The following NEDD1 variants were observed in gnomAD, a reference collection of about 807,000 sequenced individuals.
NEDD1 encodes the protein NEDD1 gamma-tubulin ring complex targeting factor, also known as protein NEDD1.
NEDD1 carries 33 observed loss-of-function variants against 74.0 expected under a neutral mutation model. The ratio of observed to expected loss-of-function variants is 0.45; its 90% CI spans 0.34 to 0.60. The LOEUF is 0.60. Among genes scored for constraint, NEDD1 ranks in the 20% least tolerant of loss-of-function variants. The pLI, the probability that NEDD1 is intolerant of heterozygous loss-of-function variation, is 0.01. For missense variants in NEDD1, 746 were observed against 776.5 expected, an observed-to-expected ratio of 0.96 and a Z score of 0.47; for synonymous variants, 250 against 264.4, an observed-to-expected ratio of 0.95 and a Z score of 0.53.
intron 3 of NEDD1, among the ~76,000 whole-genome samples, chr12:96,911,631 A>G (rs905967335): frequency 6.6e-6 from 1 of 152,198 alleles, no homozygotes; most frequent in African/African-American, 2.4e-5. Flanking sequence ...CTAAAACTAC[A>G]AGAGAAATAA....
At chr12:96,942,719 AAAAT>A (rs1186498473) in intron 11 of NEDD1, 95 bp downstream of exon 11, 4 of 702,182 alleles carry the variant, frequency 5.7e-6, no homozygotes, top group Admixed American at 2.4e-5. Context: ...GAGGCTTAAA[AAAAT>A]AAACATTTAT....
intron 14 of NEDD1, 43 bp downstream of exon 14, chr12:96,945,892 T>G (rs543647309): frequency 5.1e-6 from 5 of 987,814 alleles, no homozygotes; most frequent in African/African-American, 1.7e-5. Flanking sequence ...ACCTTACTTG[T>G]TTTTTTTTTA....
intron 6 of NEDD1, among the ~76,000 whole-genome samples, chr12:96,934,040 TGGATA>T (rs1447640782): frequency 6.6e-6 from 1 of 152,152 alleles, no homozygotes; most frequent in Non-Finnish European, 1.5e-5. Flanking sequence ...TTTGAAACAA[TGGATA>T]TAGTCCATCC....
At chr12:96,949,454 G>T (rs956564024) in intron 14 of NEDD1, among the ~76,000 whole-genome samples, 4 of 152,030 alleles carry the variant, frequency 2.6e-5, no homozygotes, top group Non-Finnish European at 5.9e-5. Context: ...TTAAATAAAT[G>T]GAGAGATTAT....
In NEDD1 at chr12:96,932,466, AT is replaced by A. The variant is rs1268202200; in HGVS notation, c.490-2509del. 1.3e-3 allele frequency among the ~76,000 whole-genome samples: 82 copies of A among 62,416 alleles called. 2 individuals are homozygous for A. The highest frequency in any genetic ancestry group is 2.4e-3 in the Non-Finnish European group (72 of 29,546). The allele number at this position is 62,416 out of a possible 152,430, so 40.9% of individuals were successfully genotyped here. ...TTAAAAAAAAAAAAAAAAAAAAAAT[AT>A]ATATATATATATATATATATAAAAT... On this transcript the variant is annotated intron_variant, in intron 6 of 15. Coordinates refer to ENST00000266742, the MANE Select transcript of NEDD1 (RefSeq NM_152905.4).
intron 3 of NEDD1, among the ~76,000 whole-genome samples, chr12:96,911,740 GAA>G (rs760437750): frequency 4.5e-4 from 68 of 152,090 alleles, no homozygotes; most frequent in Non-Finnish European, 7.9e-4. Context: ...CAAGGAAAGG[GAA>G]ATGGTTTTTC....
intron 7 of NEDD1, among the ~76,000 whole-genome samples, chr12:96,936,284 T>A (rs1212323310): frequency 6.6e-6 from 1 of 152,190 alleles, no homozygotes; most frequent in Non-Finnish European, 1.5e-5. Flanking sequence ...AGCCCCTGTT[T>A]GTGGCGTAAT....
chr12:96,915,371 G>T (rs115130239), intron 4 of NEDD1, among the ~76,000 whole-genome samples: 23 of 152,320 alleles, frequency 1.5e-4, no homozygotes, highest in African/African-American at 4.1e-4. Context: ...TGCAATGGGG[G>T]AAGGGCTAGA....
intron 14 of NEDD1, among the ~76,000 whole-genome samples, chr12:96,947,234 A>T (rs889466083): frequency 6.6e-6 from 1 of 152,102 alleles, no homozygotes. Context: ...AGGAGTGCAT[A>T]AATATTTATG....
At chr12:96,940,591 T>C in intron 10 of NEDD1, 54 bp downstream of exon 10, 2 of 1,341,072 alleles carry the variant, frequency 1.5e-6, no homozygotes, top group Admixed American at 2.0e-5. Flanking sequence ...ATTTTTATTC[T>C]GGCTAAAAGA....
chr12:96,912,315 T>G (rs1229095071), intron 3 of NEDD1, among the ~76,000 whole-genome samples: 2 of 152,080 alleles, frequency 1.3e-5, no homozygotes, highest in Non-Finnish European at 2.9e-5. Flanking sequence ...GCTTCCTAGT[T>G]TAGATTGTTA....
In NEDD1 at chr12:96,912,763, AGTT is replaced by A. The variant is rs1424594756; in HGVS notation, c.180_182del (p.Val61del). 1 of 1,608,580 alleles carries A rather than the reference AGTT, an allele frequency of 6.2e-7. No homozygotes were observed. Among genetic ancestry groups the A allele is most frequent in the Admixed American group, 1.7e-5 (1 of 59,974 alleles). ...CAGCATCTTCCAGTGGCGACAAAAT[AGTT>A]GTCTCAAGTTGCAAATGTAAACCTG... On this transcript the variant is annotated inframe_deletion, in exon 4 of 16. Coordinates refer to ENST00000266742, the MANE Select transcript of NEDD1 (RefSeq NM_152905.4).
chr12:96,909,515 A>G (rs1425380100), intron 2 of NEDD1, among the ~76,000 whole-genome samples: 1 of 152,200 alleles, frequency 6.6e-6, no homozygotes, highest in Non-Finnish European at 1.5e-5. Flanking sequence ...CATGTAAGGC[A>G]GGCTAAGGAG....
chr12:96,910,426 T>G (rs941414187), intron 3 of NEDD1, among the ~76,000 whole-genome samples: 6 of 152,204 alleles, frequency 3.9e-5, no homozygotes, highest in African/African-American at 1.4e-4. Flanking sequence ...AAATTACATT[T>G]CCTAAACAGA....
intron 6 of NEDD1, 38 bp from the exon 7 acceptor site, chr12:96,934,938 C>G: frequency 2.7e-6 from 1 of 371,660 alleles, no homozygotes. Context: ...CTTATGAATG[C>G]TTATAATTAC....
rs1875212872 is a variant in NEDD1 at position 96,922,498 on chromosome 12, C to G, written c.489+2373C>G. 2.0e-5 allele frequency among the ~76,000 whole-genome samples: 3 copies of G among 152,174 alleles called. No individual in the cohort carries two copies. The South Asian group carries it at 6.2e-4, about 32-fold the overall frequency. On this transcript the variant is annotated intron_variant, in intron 6 of 15. Coordinates refer to ENST00000266742, the MANE Select transcript of NEDD1 (RefSeq NM_152905.4). Reference sequence around the variant, plus strand: ...TAGACCAGATACTACTATGTATATTCTTATACTTCAATTTTTATGCTTATT... The same window carrying G: ...TAGACCAGATACTACTATGTATATTGTTATACTTCAATTTTTATGCTTATT...
chr12:96,926,018 T>C (rs1228114781), intron 6 of NEDD1, among the ~76,000 whole-genome samples: 3 of 152,012 alleles, frequency 2.0e-5, no homozygotes, highest in Non-Finnish European at 2.9e-5. Context: ...GAGAATAATA[T>C]ACTTTCAAAG....
intron 14 of NEDD1, among the ~76,000 whole-genome samples, chr12:96,948,896 G>T (rs991338750): frequency 1.3e-5 from 2 of 152,150 alleles, no homozygotes; most frequent in Non-Finnish European, 2.9e-5. Flanking sequence ...CTGCTCTTTA[G>T]TTACTTGTTT....
In NEDD1 at chr12:96,940,430, C is replaced by CA; in HGVS notation, c.1140dup (p.Asp381ArgfsTer5). The CA allele has an allele frequency of 6.3e-7, 1 of 1,597,456 alleles. No homozygotes were observed. Among genetic ancestry groups the CA allele is most frequent in the Non-Finnish European group, 8.6e-7 (1 of 1,166,452 alleles). Reference sequence around the variant, plus strand: ...TAAGGTTTGCCTCGAAGCATAAACACAGACACTTTATCTAAGGAAACAGAC... The same window carrying CA: ...TAAGGTTTGCCTCGAAGCATAAACACAAGACACTTTATCTAAGGAAACAGAC... On this transcript the variant is annotated frameshift_variant, in exon 10 of 16. Transcript: ENST00000266742. LOFTEE classifies it high-confidence loss of function.
Sources: allele counts gnomAD v4.1 joint callset (sites outside exome capture counted in the v4.1 genomes callset), GRCh38; gene constraint gnomAD v4.1.1; transcripts MANE v1.5; gene names NCBI Gene and HGNC (gene_info 2026-07-23, HGNC 2026-07-21).